The following SORCS2 variants were observed in gnomAD, a reference collection of about 807,000 sequenced individuals.
SORCS2 encodes the protein VPS10 domain-containing receptor SorCS2.
SORCS2 carries 100 observed loss-of-function variants against 141.6 expected under a neutral mutation model. The ratio of observed to expected loss-of-function variants is 0.71; its 90% CI spans 0.60 to 0.83. The LOEUF (loss-of-function observed/expected upper bound fraction) is 0.83, where lower values mean the gene tolerates loss of function less well. Among genes scored for constraint, SORCS2 ranks in the 40% least tolerant of loss-of-function variants. SORCS2 has a pLI of 0.00. For missense variants in SORCS2, 1,646 were observed against 1,560.2 expected, an observed-to-expected ratio of 1.05 and a Z score of -0.93; for synonymous variants, 789 against 676.9, an observed-to-expected ratio of 1.17 and a Z score of -2.57.
rs202041922 is a variant in SORCS2, at chr4:7,473,288, T to TGAGAG, written c.549-58230_549-58226dup. On this transcript the variant is annotated intron_variant, in intron 2 of 26. Transcript: ENST00000507866. Reference sequence around the variant, plus strand: ...GTGGGTCTGCCCATGCGGGAGGGGCTGAGAGGAGAGGAGAGGGAGATGGCG... The same window carrying TGAGAG: ...GTGGGTCTGCCCATGCGGGAGGGGCTGAGAGGAGAGGAGAGGAGAGGGAGATGGCG... Among the ~76,000 whole-genome samples the TGAGAG allele has an allele frequency of 2.0e-5, 3 of 152,056 alleles. No homozygotes were observed. The East Asian group carries it at 5.8e-4, about 29-fold the overall frequency.
chr4:7,625,495 C>A (rs1719459628), intron 3 of SORCS2, among the ~76,000 whole-genome samples: 1 of 151,924 alleles, frequency 6.6e-6, no homozygotes, highest in Admixed American at 6.6e-5. Flanking sequence ...GTCTCTCAAC[C>A]CACTAGAAGG....
intron 3 of SORCS2, among the ~76,000 whole-genome samples, chr4:7,614,624 C>G (rs1016511021): frequency 1.0e-4 from 15 of 149,742 alleles, no homozygotes; most frequent in Non-Finnish European, 3.0e-5. Context: ...CCACCATCCA[C>G]CCATCAATCC....
At chr4:7,728,536 G>C (rs2148889928) in intron 22 of SORCS2, 74 bp downstream of exon 22, 1 of 1,111,554 alleles carries the variant, frequency 9.0e-7, no homozygotes, top group Non-Finnish European at 1.3e-6. Flanking sequence ...AGGGCCCCGG[G>C]GTGCTCAGGG....
intron 2 of SORCS2, among the ~76,000 whole-genome samples, chr4:7,498,648 C>T (rs1205259036): frequency 6.6e-6 from 1 of 152,238 alleles, no homozygotes; most frequent in African/African-American, 2.4e-5. Flanking sequence ...CTGCCAGCCT[C>T]ATTGCTCTAA....
intron 3 of SORCS2, among the ~76,000 whole-genome samples, chr4:7,583,236 T>C (rs530680753): frequency 1.3e-5 from 2 of 152,122 alleles, no homozygotes; most frequent in Non-Finnish European, 2.9e-5. Flanking sequence ...CATCCAGTGT[T>C]CCTTTTCTCA....
At chr4:7,434,536 C>T in intron 2 of SORCS2, 1 of 1,613,188 alleles carries the variant, frequency 6.2e-7, no homozygotes, top group Non-Finnish European at 8.5e-7. Flanking sequence ...GATGGCCGAA[C>T]TGTGGGCATC....
At chr4:7,309,672 G>T (rs3846426) in intron 1 of SORCS2, among the ~76,000 whole-genome samples, 117,672 of 152,050 alleles carry the variant, frequency 0.77, 47,327 homozygotes, top group Non-Finnish European at 0.88. Context: ...TTCGGTTTGA[G>T]GAGTGGTTAC....
At chr4:7,349,840 G>T (rs1720838566) in intron 1 of SORCS2, among the ~76,000 whole-genome samples, 1 of 152,140 alleles carries the variant, frequency 6.6e-6, no homozygotes, top group Admixed American at 6.5e-5. Flanking sequence ...ACTCTAACTG[G>T]ACATAACGCC....
intron 1 of SORCS2, among the ~76,000 whole-genome samples, chr4:7,288,090 C>A (rs1560166043): frequency 1.3e-5 from 2 of 152,278 alleles, no homozygotes; most frequent in South Asian, 2.1e-4. Flanking sequence ...TCAGATGGGG[C>A]TCCCCGGGGT....
intron 2 of SORCS2, among the ~76,000 whole-genome samples, chr4:7,500,659 A>G (rs1287446576): frequency 7.3e-6 from 1 of 136,158 alleles, no homozygotes; most frequent in Non-Finnish European, 1.5e-5. Context: ...CACAGAGAGC[A>G]CCAGTGTGCC....
At chr4:7,709,357 T>C (rs1577101893) in intron 14 of SORCS2, among the ~76,000 whole-genome samples, 3 of 152,336 alleles carry the variant, frequency 2.0e-5, no homozygotes, top group East Asian at 3.9e-4. Flanking sequence ...GCCCCGGCTG[T>C]CATGAGGTCT....
intron 1 of SORCS2, among the ~76,000 whole-genome samples, chr4:7,238,296 G>GT (rs1048954008): frequency 2.6e-5 from 4 of 152,066 alleles, no homozygotes; most frequent in Admixed American, 6.5e-5. Flanking sequence ...AGTCTGGGGG[G>GT]GGTTGCTGGT....
chr4:7,545,777 C>CT (rs1234288128), intron 3 of SORCS2, among the ~76,000 whole-genome samples: 2 of 152,262 alleles, frequency 1.3e-5, no homozygotes, highest in African/African-American at 4.8e-5. Context: ...TCTGCTGCCT[C>CT]TGTCTTCAGG....
At chr4:7,542,987 G>A (rs1364362626) in intron 3 of SORCS2, among the ~76,000 whole-genome samples, 1 of 152,254 alleles carries the variant, frequency 6.6e-6, no homozygotes, top group Non-Finnish European at 1.5e-5. Context: ...GCAGGAGGGA[G>A]AAGATGGTCC....
chr4:7,244,134 G>T (rs909080115), intron 1 of SORCS2, among the ~76,000 whole-genome samples: 1 of 152,192 alleles, frequency 6.6e-6, no homozygotes. Context: ...ATAGGAAGGG[G>T]CGGCTCCCCT....
chr4:7,394,788 C>T (rs778473222), intron 1 of SORCS2, among the ~76,000 whole-genome samples: 2 of 152,034 alleles, frequency 1.3e-5, no homozygotes, highest in East Asian at 1.9e-4. Flanking sequence ...CCTCCAGAGC[C>T]GAGCTCCACC....
intron 1 of SORCS2, among the ~76,000 whole-genome samples, chr4:7,378,881 C>T (rs1421884401): frequency 6.6e-6 from 1 of 152,234 alleles, no homozygotes; most frequent in East Asian, 1.9e-4. Context: ...CACATTTCCT[C>T]TTCTTGCCCT....
Position 7,193,144 on chromosome 4 carries a change from G to C in SORCS2, c.480+18G>C. 1 of 1,500,292 alleles carries C rather than the reference G, an allele frequency of 6.7e-7. No individual in the cohort carries two copies. The highest frequency in any genetic ancestry group is 8.8e-7 in the Non-Finnish European group (1 of 1,134,086). 92.9% of individuals were successfully genotyped at this position (1,500,292 alleles called of 1,614,324 possible). A position where few individuals can be genotyped will look rare whatever the true frequency, so the allele number is the denominator to read the frequency against. ...ACAGCAGCGTAAGTGACCTCCACGC[G>C]CTCGCCGCGGCCCCTACCCGGGACA... On this transcript the variant is annotated intron_variant, in intron 1 of 26. Coordinates refer to ENST00000507866, the MANE Select transcript of SORCS2 (RefSeq NM_020777.3). The surrounding 1 kb of genome is among the most constrained non-coding windows in gnomAD (Gnocchi z 4.8).
chr4:7,553,454 A>G (rs2109642314), intron 3 of SORCS2, among the ~76,000 whole-genome samples: 1 of 152,370 alleles, frequency 6.6e-6, no homozygotes, highest in African/African-American at 2.4e-5. Context: ...GTGCAGAAAA[A>G]GTCTGATCTC....
Sources: allele counts gnomAD v4.1 joint callset (sites outside exome capture counted in the v4.1 genomes callset), GRCh38; gene constraint gnomAD v4.1.1; non-coding constraint Gnocchi (gnomAD v3.1); transcripts MANE v1.5; gene names NCBI Gene and HGNC (gene_info 2026-07-23, HGNC 2026-07-21).